Variants in MAST4 observed in about 807,000 individuals in gnomAD.
MAST4 encodes the protein microtubule-associated serine/threonine-protein kinase 4.
Under a neutral mutation model 162.7 loss-of-function variants are expected in MAST4, and 89 were observed. The ratio of observed to expected loss-of-function variants is 0.55; its 90% CI spans 0.46 to 0.65. The LOEUF is 0.65. MAST4 is among the 30% of genes least tolerant of loss of function. The pLI is 0.00. For missense variants in MAST4, 3,153 were observed against 3,374.0 expected (o/e 0.93, Z 1.62); for synonymous variants, 1,479 against 1,361.1 (o/e 1.09, Z -1.91).
At chr5:66,965,296 C>G (rs1285372206) in intron 4 of MAST4, among the ~76,000 whole-genome samples, 1 of 137,514 alleles carries the variant, frequency 7.3e-6, no homozygotes, top group South Asian at 2.5e-4. Flanking sequence ...GGTTATCCAA[C>G]TGCAAGAAAT....
At chr5:67,044,472 C>T (rs1309481708) in intron 4 of MAST4, among the ~76,000 whole-genome samples, 1 of 152,158 alleles carries the variant, frequency 6.6e-6, no homozygotes, top group African/African-American at 2.4e-5. Flanking sequence ...ATTTAAAAAA[C>T]TTGGATTTAT....
At chr5:66,767,177 G>GTT (rs1339781460) in intron 2 of MAST4, among the ~76,000 whole-genome samples, 1 of 73,510 alleles carries the variant, frequency 1.4e-5, no homozygotes, top group Non-Finnish European at 3.6e-5. Context: ...GCACGTGTGT[G>GTT]TGTGTGTGTG....
intron 4 of MAST4, among the ~76,000 whole-genome samples, chr5:66,954,641 A>T (rs1320939356): frequency 6.6e-6 from 1 of 152,126 alleles, no homozygotes; most frequent in Non-Finnish European, 1.5e-5. Context: ...TGTCTCACAC[A>T]TGTGATCCCA....
chr5:67,038,666 C>A lies in MAST4; in HGVS notation c.675-15738C>A, dbSNP rs554336032. Among the ~76,000 whole-genome samples, 163 of 152,246 alleles carry A rather than the reference C, an allele frequency of 1.1e-3. 1 individual carries two copies. Among genetic ancestry groups the A allele is most frequent in the Admixed American group, 2.4e-3 (36 of 15,282 alleles). On this transcript the variant is annotated intron_variant, in intron 4 of 28. Transcript: ENST00000403625. The stretch of plus-strand genomic sequence containing the variant: ...ATAACCTCATGCTTACCACTCATCT[C>A]CCTTCTTATACATTATTTTAAAATA...
chr5:67,097,919 C>T (rs1354462871), intron 7 of MAST4, among the ~76,000 whole-genome samples: 3 of 151,942 alleles, frequency 2.0e-5, no homozygotes. Context: ...TTCTCAGTTT[C>T]TTTGTGTTTC....
chr5:66,653,330 C>G (rs984516617), intron 1 of MAST4, among the ~76,000 whole-genome samples: 1 of 152,152 alleles, frequency 6.6e-6, no homozygotes, highest in East Asian at 1.9e-4. Flanking sequence ...GTGTTTGTTA[C>G]TTCTCTCTTT....
intron 1 of MAST4, among the ~76,000 whole-genome samples, chr5:66,616,723 T>C (rs1743716220): frequency 6.6e-6 from 1 of 152,216 alleles, no homozygotes; most frequent in Non-Finnish European, 1.5e-5. Flanking sequence ...AGAGAGTGCC[T>C]GGAACACTGC....
intron 4 of MAST4, among the ~76,000 whole-genome samples, chr5:66,932,730 C>A (rs1307567923): frequency 6.6e-6 from 1 of 152,164 alleles, no homozygotes; most frequent in Non-Finnish European, 1.5e-5. Flanking sequence ...TGTCTGCAAT[C>A]TTTGACATCT....
chr5:66,846,417 A>G lies in MAST4; in HGVS notation c.643-53534A>G, dbSNP rs968739612. Among the ~76,000 whole-genome samples, 4 of 152,266 alleles carry G rather than the reference A, an allele frequency of 2.6e-5. No individual in the cohort carries two copies. The South Asian group carries it at 6.2e-4, about 24-fold the overall frequency. On this transcript the variant is annotated intron_variant, in intron 3 of 28. Transcript: ENST00000403625. ...CTAAAGCTATGATGTATTTTTTTCA[A>G]TTGTAGGCTTAGAGAGGGATATTAG...
chr5:66,716,515 A>T (rs1379610362), intron 1 of MAST4, among the ~76,000 whole-genome samples: 2 of 150,490 alleles, frequency 1.3e-5, no homozygotes, highest in Non-Finnish European at 3.0e-5. Flanking sequence ...CCAGCTAATT[A>T]AAAAAAAAAT....
intron 2 of MAST4, among the ~76,000 whole-genome samples, chr5:66,774,901 C>T (rs183308172): frequency 1.6e-4 from 25 of 151,954 alleles, no homozygotes; most frequent in Non-Finnish European, 3.1e-4. Flanking sequence ...TGTGCCTAGG[C>T]GTTATCAGAC....
rs139388488 is a variant in MAST4 at position 67,129,702 on chromosome 5, C to T, written c.1746-508C>T. ...TCATGCCACTGCACTCTAGCCTGGGCGACAGAGCAAGACTCCATCTCAAAA... is the reference window on the plus strand; with the variant it reads ...TCATGCCACTGCACTCTAGCCTGGGTGACAGAGCAAGACTCCATCTCAAAA... On this transcript the variant is annotated intron_variant, in intron 14 of 28. Coordinates refer to ENST00000403625, the MANE Select transcript of MAST4 (RefSeq NM_001164664.2). 4.7e-3 allele frequency among the ~76,000 whole-genome samples: 688 copies of T among 146,712 alleles called. 7 individuals carry two copies. The highest frequency in any genetic ancestry group is 0.015 in the African/African-American group (589 of 39,502).
At chr5:66,887,538 A>G (rs536207577) in intron 3 of MAST4, among the ~76,000 whole-genome samples, 4 of 152,338 alleles carry the variant, frequency 2.6e-5, no homozygotes, top group African/African-American at 4.8e-5. Context: ...GGCTGGCGCC[A>G]TATGGAAACA....
At chr5:66,978,333 T>G (rs1034411493) in intron 4 of MAST4, among the ~76,000 whole-genome samples, 1 of 152,214 alleles carries the variant, frequency 6.6e-6, no homozygotes, top group East Asian at 1.9e-4. Flanking sequence ...GCTCCTATTC[T>G]AGTTATTCTG....
intron 26 of MAST4, among the ~76,000 whole-genome samples, chr5:67,157,062 A>G (rs1420808319): frequency 6.6e-6 from 1 of 152,250 alleles, no homozygotes; most frequent in Non-Finnish European, 1.5e-5. Flanking sequence ...AAATTCTTCT[A>G]TACAAGGTCA....
chr5:67,055,510 T>A (rs796752279), intron 5 of MAST4, among the ~76,000 whole-genome samples: 4 of 152,126 alleles, frequency 2.6e-5, no homozygotes, highest in African/African-American at 9.6e-5. Flanking sequence ...AGATTGGGAG[T>A]TGTCTGTTAT....
intron 1 of MAST4, among the ~76,000 whole-genome samples, chr5:66,698,654 C>G (rs987021227): frequency 3.9e-5 from 6 of 152,148 alleles, no homozygotes; most frequent in Admixed American, 3.9e-4. Flanking sequence ...ACAGGAACTC[C>G]ATATTTATGA....
At chr5:66,750,673 C>T (rs1753089077) in intron 1 of MAST4, among the ~76,000 whole-genome samples, 1 of 152,208 alleles carries the variant, frequency 6.6e-6, no homozygotes, top group African/African-American at 2.4e-5. Flanking sequence ...TGATTGCTAG[C>T]ACAGCAGTCT....
chr5:66,607,165 A>T (rs990279684), intron 1 of MAST4, among the ~76,000 whole-genome samples: 1 of 152,200 alleles, frequency 6.6e-6, no homozygotes, highest in African/African-American at 2.4e-5. Context: ...TCATCTCTGC[A>T]TCCCAGAGCC....
Sources: gnomAD v4.1 joint callset for allele counts (sites outside exome capture counted in the v4.1 genomes callset) on GRCh38, gnomAD v4.1.1 for gene constraint, MANE v1.5 for transcripts, NCBI Gene and HGNC (gene_info 2026-07-23, HGNC 2026-07-21) for gene names.